The following RGS17 variants were observed in gnomAD, a reference collection of about 807,000 sequenced individuals.
The protein encoded by RGS17 is regulator of G-protein signaling 17.
A neutral mutation model predicts 25.5 loss-of-function variants in RGS17; 12 were observed. The observed-to-expected ratio is 0.47, with a 90% CI of 0.30 to 0.76. The LOEUF (loss-of-function observed/expected upper bound fraction) is 0.76, where lower values mean the gene tolerates loss of function less well. RGS17 is among the 30% of genes least tolerant of loss of function. The pLI is 0.07. For synonymous variants in RGS17, 71 were observed against 76.9 expected (o/e 0.92, Z 0.40); for missense variants, 196 against 242.2 (o/e 0.81, Z 1.27).
At chr6:153,031,770 G>A (rs1431951037) in intron 2 of RGS17, among the ~76,000 whole-genome samples, 1 of 152,152 alleles carries the variant, frequency 6.6e-6, no homozygotes, top group Non-Finnish European at 1.5e-5. Context: ...GAGTATAAAT[G>A]CCCTCTCTAA....
chr6:153,069,154 C>T (rs1342197007), intron 1 of RGS17, among the ~76,000 whole-genome samples: 2 of 152,076 alleles, frequency 1.3e-5, no homozygotes, highest in Admixed American at 1.3e-4. Context: ...ATCTGCACTC[C>T]CGTGTTTGTT....
At chr6:153,116,715 A>G (rs182863925) in intron 1 of RGS17, among the ~76,000 whole-genome samples, 186 of 152,372 alleles carry the variant, frequency 1.2e-3, no homozygotes, top group African/African-American at 2.7e-3. Flanking sequence ...AAAATGTGGC[A>G]TATATACACC....
intron 1 of RGS17, among the ~76,000 whole-genome samples, chr6:153,056,711 A>G (rs1372820249): frequency 6.6e-6 from 1 of 152,030 alleles, no homozygotes; most frequent in East Asian, 1.9e-4. Flanking sequence ...ATGAATCCCT[A>G]TTTCTATCAA....
intron 2 of RGS17, among the ~76,000 whole-genome samples, chr6:153,027,014 T>C (rs992555388): frequency 6.6e-6 from 1 of 152,224 alleles, no homozygotes; most frequent in Non-Finnish European, 1.5e-5. Context: ...TAATACAGAT[T>C]TTGCTAAATT....
chr6:153,105,621 T>C (rs1387288801), intron 1 of RGS17, among the ~76,000 whole-genome samples: 1 of 152,064 alleles, frequency 6.6e-6, no homozygotes, highest in East Asian at 1.9e-4. Context: ...AGGTGAGGTC[T>C]GGCAGCAGTA....
At chr6:153,071,091 A>G (rs1359846849) in intron 1 of RGS17, among the ~76,000 whole-genome samples, 1 of 150,416 alleles carries the variant, frequency 6.6e-6, no homozygotes, top group African/African-American at 2.4e-5. Context: ...ACACATGTAT[A>G]TATACACACT....
chr6:153,099,899 T>C (rs536819138), intron 1 of RGS17, among the ~76,000 whole-genome samples: 99 of 152,308 alleles, frequency 6.5e-4, no homozygotes, highest in African/African-American at 2.2e-3. Context: ...GCGACTCTAC[T>C]TCCAGTTTCT....
chr6:153,014,448 C>G (rs1452264944), intron 4 of RGS17, among the ~76,000 whole-genome samples: 1 of 152,182 alleles, frequency 6.6e-6, no homozygotes, highest in Non-Finnish European at 1.5e-5. Context: ...AACACAGCAT[C>G]CATTCTGCAG....
chr6:153,114,611 T>C (rs1777518123), intron 1 of RGS17, among the ~76,000 whole-genome samples: 1 of 152,120 alleles, frequency 6.6e-6, no homozygotes, highest in African/African-American at 2.4e-5. Context: ...TACCAAAACC[T>C]GGCAGAGACA....
chr6:153,063,549 A>G (rs1341229499), intron 1 of RGS17, among the ~76,000 whole-genome samples: 1 of 152,146 alleles, frequency 6.6e-6, no homozygotes, highest in African/African-American at 2.4e-5. Context: ...GAGAAAAAAG[A>G]AAAAAGAATA....
intron 4 of RGS17, among the ~76,000 whole-genome samples, chr6:153,012,990 G>A (rs1407097070): frequency 6.6e-6 from 1 of 152,048 alleles, no homozygotes; most frequent in African/African-American, 2.4e-5. Context: ...GTTGGGAGAT[G>A]GCAATCCAGA....
chr6:153,074,858 G>A (rs1470656676), intron 1 of RGS17, among the ~76,000 whole-genome samples: 1 of 152,060 alleles, frequency 6.6e-6, no homozygotes, highest in East Asian at 1.9e-4. Flanking sequence ...ATCTCAGTTT[G>A]GGAAGAAAAC....
chr6:153,037,432 T>TA (rs1776262947), intron 2 of RGS17, among the ~76,000 whole-genome samples: 1 of 147,844 alleles, frequency 6.8e-6, no homozygotes, highest in Non-Finnish European at 1.5e-5. Flanking sequence ...ATTTTTTACT[T>TA]TTTTTTTTTT....
chr6:153,051,750 C>T (rs1372343935), intron 1 of RGS17, among the ~76,000 whole-genome samples: 2 of 152,100 alleles, frequency 1.3e-5, no homozygotes, highest in Non-Finnish European at 1.5e-5. Flanking sequence ...GAAACTAGAA[C>T]TTATGAGCTT....
At chr6:153,094,981 A>C (rs1296438351) in intron 1 of RGS17, among the ~76,000 whole-genome samples, 3 of 152,136 alleles carry the variant, frequency 2.0e-5, no homozygotes, top group Non-Finnish European at 2.9e-5. Context: ...AAAAGAAGAT[A>C]AATACTTGTC....
chr6:153,111,734 C>A (rs756846777), intron 1 of RGS17, among the ~76,000 whole-genome samples: 53 of 152,180 alleles, frequency 3.5e-4, no homozygotes, highest in Non-Finnish European at 5.9e-4. Flanking sequence ...GACAAAGCTT[C>A]CAGAGGAAGG....
chr6:153,090,836 C>G (rs73785739), intron 1 of RGS17, among the ~76,000 whole-genome samples: 3,505 of 139,980 alleles, frequency 0.025, 140 homozygotes, highest in African/African-American at 0.085. Flanking sequence ...ATACAGGGTT[C>G]AGTAAAAAAA....
chr6:153,020,577 A>G (rs1027753306), intron 4 of RGS17, among the ~76,000 whole-genome samples: 4 of 152,206 alleles, frequency 2.6e-5, no homozygotes, highest in Non-Finnish European at 5.9e-5. Context: ...AAAGTTATCT[A>G]TATATAAATG....
intron 1 of RGS17, among the ~76,000 whole-genome samples, chr6:153,099,123 T>G (rs1777259198): frequency 6.6e-6 from 1 of 152,034 alleles, no homozygotes; most frequent in Non-Finnish European, 1.5e-5. Flanking sequence ...AAAATGAAAA[T>G]GAACACACCA....
Sources: allele counts gnomAD v4.1 joint callset (sites outside exome capture counted in the v4.1 genomes callset), GRCh38; gene constraint gnomAD v4.1.1; transcripts MANE v1.5; gene names NCBI Gene and HGNC (gene_info 2026-07-23, HGNC 2026-07-21).